Variants in FAM107A observed in about 807,000 individuals in gnomAD.
The protein encoded by FAM107A is family with sequence similarity 107 member A.
Under a neutral mutation model 13.7 loss-of-function variants are expected in FAM107A, and 19 were observed. The ratio of observed to expected loss-of-function variants is 1.38; its 90% confidence interval spans 0.97 to 2.03. The LOEUF is 2.03. FAM107A is among the 30% of genes most tolerant of loss of function. The pLI is 0.00. For missense variants in FAM107A, 203 were observed against 184.4 expected, an observed-to-expected ratio of 1.10 and a Z score of -0.58; for synonymous variants, 82 against 74.5, an observed-to-expected ratio of 1.10 and a Z score of -0.52.
chr3:58,576,312 G>A (rs900986880), intron 1 of FAM107A, among the ~76,000 whole-genome samples: 1 of 152,228 alleles, frequency 6.6e-6, no homozygotes, highest in African/African-American at 2.4e-5. Context: ...GGACATTTAG[G>A]ATTTTGAACC....
chr3:58,602,248 C>T (rs370356624), intron 1 of FAM107A, among the ~76,000 whole-genome samples: 9 of 152,108 alleles, frequency 5.9e-5, no homozygotes, highest in South Asian at 4.1e-4. Context: ...AGAAAATGCA[C>T]GCTCAAGCAA....
upstream of FAM107A, among the ~76,000 whole-genome samples, chr3:58,579,046 G>A (rs2108054669): frequency 6.6e-6 from 1 of 152,348 alleles, no homozygotes; most frequent in East Asian, 1.9e-4. Flanking sequence ...TAAAGAAGGG[G>A]ACATTCAGGA....
chr3:58,603,776 G>C (rs1394827435), intron 1 of FAM107A, among the ~76,000 whole-genome samples: 3 of 152,140 alleles, frequency 2.0e-5, no homozygotes, highest in Non-Finnish European at 4.4e-5. Flanking sequence ...GTGCAGCTGT[G>C]AGCAATCAGC....
upstream of FAM107A, among the ~76,000 whole-genome samples, chr3:58,578,146 A>G (rs1010383587): frequency 2.0e-5 from 3 of 152,216 alleles, no homozygotes; most frequent in Non-Finnish European, 4.4e-5. Context: ...AGCTCAGCAT[A>G]TAGGACTTTT....
chr3:58,594,423 A>G (rs1012151416), intron 1 of FAM107A, among the ~76,000 whole-genome samples: 1 of 152,144 alleles, frequency 6.6e-6, no homozygotes. Context: ...AATCCCCAGT[A>G]CAACCTCTAA....
intron 1 of FAM107A, among the ~76,000 whole-genome samples, chr3:58,574,729 G>A (rs1442663379): frequency 6.6e-6 from 1 of 152,128 alleles, no homozygotes; most frequent in Non-Finnish European, 1.5e-5. Flanking sequence ...CCTGGGGTGG[G>A]GATAATAAGG....
upstream of FAM107A, among the ~76,000 whole-genome samples, chr3:58,580,001 G>T (rs1434888097): frequency 6.6e-6 from 1 of 152,182 alleles, no homozygotes; most frequent in Non-Finnish European, 1.5e-5. Flanking sequence ...AACCTTGACA[G>T]CGCTGAGCTT....
At chr3:58,599,406 C>A (rs2065733898) in intron 1 of FAM107A, among the ~76,000 whole-genome samples, 1 of 152,208 alleles carries the variant, frequency 6.6e-6, no homozygotes, top group Admixed American at 6.5e-5. Context: ...AAATTATCTT[C>A]CAAAATGGCT....
At chr3:58,601,729 G>A (rs4289361) in intron 1 of FAM107A, among the ~76,000 whole-genome samples, 4 of 151,992 alleles carry the variant, frequency 2.6e-5, no homozygotes, top group Admixed American at 2.0e-4. Context: ...ATGTACAATC[G>A]CATGTTAAAC....
chr3:58,574,696 T>A (rs4681691), intron 1 of FAM107A, among the ~76,000 whole-genome samples: 151,398 of 152,328 alleles, frequency 0.99, 75,245 homozygotes, highest in Middle Eastern at 1. Flanking sequence ...CAATATGCAG[T>A]TTATGGGACT....
At chr3:58,570,955 A>C (rs2063677574) in intron 1 of FAM107A, among the ~76,000 whole-genome samples, 1 of 152,216 alleles carries the variant, frequency 6.6e-6, no homozygotes, top group Non-Finnish European at 1.5e-5. Context: ...CATTTCAAAC[A>C]CCAGGCTTCA....
intron 3 of FAM107A, 51 bp downstream of exon 3, chr3:58,567,157 G>T: frequency 1.2e-6 from 2 of 1,607,946 alleles, no homozygotes; most frequent in Non-Finnish European, 1.7e-6. Context: ...GCTCCTCCCT[G>T]GAGGACAGCC....
chr3:58,570,201 G>C (rs2063667685), intron 1 of FAM107A: 4 of 267,020 alleles, frequency 1.5e-5, no homozygotes, highest in Non-Finnish European at 2.4e-5. Context: ...ACTATAAAAG[G>C]AATTATGTTT....
chr3:58,596,177 T>C (rs2065705708), intron 1 of FAM107A, among the ~76,000 whole-genome samples: 1 of 152,136 alleles, frequency 6.6e-6, no homozygotes, highest in African/African-American at 2.4e-5. Context: ...AAAAACCTCT[T>C]GGCATTGGTC....
Position 58,604,450 on chromosome 3 carries a change from C to T in FAM107A, c.-69-15181G>A, listed in dbSNP as rs1280774293. The stretch of plus-strand genomic sequence containing the variant: ...CTTTGAGATGATCTGCCTGCACCCT[C>T]CATTATATAAGTGGAGAAACTGAGG... On this transcript the variant is annotated intron_variant, in intron 1 of 3. Coordinates refer to the FAM107A transcript ENST00000465970. This position sits in a 1 kb window ranked among gnomAD's most constrained non-coding sequence, Gnocchi z 4.1. Among the ~76,000 whole-genome samples the T allele has an allele frequency of 6.6e-6, 1 of 152,038 alleles. No homozygotes were observed. Among genetic ancestry groups the T allele is most frequent in the Non-Finnish European group, 1.5e-5 (1 of 68,002 alleles).
chr3:58,595,784 C>T (rs2065702557), intron 1 of FAM107A, among the ~76,000 whole-genome samples: 1 of 152,198 alleles, frequency 6.6e-6, no homozygotes, highest in African/African-American at 2.4e-5. Flanking sequence ...TAAGGCCAAC[C>T]TGTATCCAGT....
intron 3 of FAM107A, 185 bp from the exon 4 acceptor site, chr3:58,566,880 G>C: frequency 1.6e-6 from 1 of 612,816 alleles, no homozygotes; most frequent in Non-Finnish European, 2.9e-6. Context: ...GTGCAGCCTG[G>C]TTCAAATCAC....
chr3:58,626,774 T>C (rs1487980692), intron 1 of FAM107A, among the ~76,000 whole-genome samples: 1 of 152,026 alleles, frequency 6.6e-6, no homozygotes, highest in East Asian at 1.9e-4. Context: ...GTCCTAGAGA[T>C]GGAGAGATAG....
rs748315376 is a variant in FAM107A, at chr3:58,567,263, C to A, written c.272G>T (p.Arg91Leu). 6.2e-7 allele frequency: 1 copy of A among 1,614,082 alleles called. No homozygotes were observed. Among genetic ancestry groups the A allele is most frequent in the Non-Finnish European group, 8.5e-7 (1 of 1,179,998 alleles). The change falls in exon 3 of 4, where the codon CGG becomes CTG. Residue 91 changes from arginine to leucine, a missense_variant. By Grantham distance (102) the Arg-to-Leu change is moderately radical. Coordinates refer to ENST00000360997, the MANE Select transcript of FAM107A (RefSeq NM_001076778.3). ...CTCCTGCTCAAAGGGGCACTGCAGC[C>A]GCTTGGCTTCCAGCTCCTCCTTCTT... Reference protein sequence around the residue: ...KKKKEELEAKRLQCPFEQELL... With the variant: ...KKKKEELEAKLLQCPFEQELL...
Sources: gnomAD v4.1 joint callset for allele counts (sites outside exome capture counted in the v4.1 genomes callset) on GRCh38, gnomAD v4.1.1 for gene constraint, Gnocchi (gnomAD v3.1) non-coding constraint, MANE v1.5 for transcripts, NCBI Gene and HGNC (gene_info 2026-07-23, HGNC 2026-07-21) for gene names.